The following PIP4K2A variants were observed in gnomAD, a reference collection of about 807,000 sequenced individuals.
The protein encoded by PIP4K2A is phosphatidylinositol 5-phosphate 4-kinase type-2 alpha.
PIP4K2A carries 14 observed loss-of-function variants against 42.9 expected under a neutral mutation model. That is an observed-to-expected ratio of 0.33 (90% CI 0.22 to 0.51). PIP4K2A has a LOEUF of 0.51. Among genes scored for constraint, PIP4K2A ranks in the 20% least tolerant of loss-of-function variants. PIP4K2A has a pLI of 0.97. For synonymous variants in PIP4K2A, 192 were observed against 192.2 expected (o/e 1.00, Z 0.01); for missense variants, 434 against 519.8 (o/e 0.83, Z 1.61).
At position 22,536,923 on chromosome 10, in the gene PIP4K2A, A is replaced by G; in HGVS notation, c.*278T>C. The G allele has an allele frequency of 2.8e-6, 1 of 353,664 alleles. No individual in the cohort carries two copies. The highest frequency in any genetic ancestry group is 5.8e-5 in the East Asian group (1 of 17,336). 21.9% of individuals were successfully genotyped at this position (353,664 alleles called of 1,614,324 possible). A position where few individuals can be genotyped will look rare whatever the true frequency, so the allele number is the denominator to read the frequency against. ...GAAGTGGATCTGTTTTAATTAATTT[A>G]TGACTTTTAAAATGCACACGCGCGC... On this transcript the variant is annotated 3_prime_UTR_variant, in exon 10 of 10. Coordinates refer to ENST00000376573, the MANE Select transcript of PIP4K2A (RefSeq NM_005028.5).
chr10:22,659,445 T>C (rs1485540597), intron 1 of PIP4K2A, among the ~76,000 whole-genome samples: 1 of 152,094 alleles, frequency 6.6e-6, no homozygotes, highest in Non-Finnish European at 1.5e-5. Flanking sequence ...ATACAAAAAT[T>C]AGCTGGGCAT....
chr10:22,624,391 T>G (rs1265315064), intron 1 of PIP4K2A, among the ~76,000 whole-genome samples: 1 of 152,238 alleles, frequency 6.6e-6, no homozygotes, highest in Non-Finnish European at 1.5e-5. Flanking sequence ...CAGTCAATAT[T>G]TGAAGACTCA....
intron 4 of PIP4K2A, among the ~76,000 whole-genome samples, chr10:22,574,637 C>G (rs1837069806): frequency 1.3e-5 from 2 of 152,098 alleles, no homozygotes; most frequent in Admixed American, 6.5e-5. Context: ...TTTTTGCCAT[C>G]TAGAGTTTTG....
intron 1 of PIP4K2A, among the ~76,000 whole-genome samples, chr10:22,686,148 GCTGAA>G: frequency 6.6e-6 from 1 of 152,254 alleles, no homozygotes; most frequent in East Asian, 1.9e-4. Flanking sequence ...TTGGAAACAT[GCTGAA>G]CCGGCACATT....
intron 4 of PIP4K2A, among the ~76,000 whole-genome samples, chr10:22,585,937 C>A (rs1837384345): frequency 6.6e-6 from 1 of 151,618 alleles, no homozygotes. Context: ...TACATGATAC[C>A]AAAGCTCCCA....
In PIP4K2A at chr10:22,613,713, T is replaced by G. The variant is rs115628737; in HGVS notation, c.145-3996A>C. ...GGCAGAGCTGAGCGTCATCCACAGT[T>G]TGTGATGGTTCACGTACAGGAACCA... On this transcript the variant is annotated intron_variant, in intron 1 of 9. Transcript: ENST00000376573. Among the ~76,000 whole-genome samples the G allele has an allele frequency of 5.2e-3, 799 of 152,270 alleles. 10 individuals are homozygous for G. The highest frequency in any genetic ancestry group is 0.018 in the African/African-American group (755 of 41,548).
At chr10:22,667,774 A>G (rs978679102) in intron 1 of PIP4K2A, among the ~76,000 whole-genome samples, 1 of 152,166 alleles carries the variant, frequency 6.6e-6, no homozygotes, top group Non-Finnish European at 1.5e-5. Flanking sequence ...AACAATTTTA[A>G]AAGTCCTCCA....
In PIP4K2A at chr10:22,535,992, G is replaced by C. The variant is rs758495715; in HGVS notation, c.*1209C>G. 11 of 396,682 alleles carry C rather than the reference G, an allele frequency of 2.8e-5. No homozygotes were observed. The highest frequency in any genetic ancestry group is 4.4e-5 in the Non-Finnish European group (10 of 225,176). The allele number at this position is 396,682 out of a possible 1,614,324, so 24.6% of individuals were successfully genotyped here. On this transcript the variant is annotated 3_prime_UTR_variant, in exon 10 of 10. Transcript: ENST00000376573. ...GGCTGCAGGATACGTCTCAAAATAT[G>C]ACAAACGTTATTTCACCTATACTGT...
At chr10:22,645,372 C>G (rs1188100009) in intron 1 of PIP4K2A, among the ~76,000 whole-genome samples, 1 of 151,816 alleles carries the variant, frequency 6.6e-6, no homozygotes, top group Non-Finnish European at 1.5e-5. Context: ...ATAGTGAGAC[C>G]CTGTCTCTAC....
chr10:22,690,602 C>A (rs1839848691), intron 1 of PIP4K2A, among the ~76,000 whole-genome samples: 1 of 152,008 alleles, frequency 6.6e-6, no homozygotes, highest in African/African-American at 2.4e-5. Flanking sequence ...TCAAAGAGCA[C>A]AAATACCAAA....
At chr10:22,685,641 A>G (rs1267136590) in intron 1 of PIP4K2A, among the ~76,000 whole-genome samples, 1 of 152,160 alleles carries the variant, frequency 6.6e-6, no homozygotes, top group Non-Finnish European at 1.5e-5. Flanking sequence ...GGATCCCTTG[A>G]GCCCAGGAGA....
Position 22,714,369 on chromosome 10 carries a change from G to A in PIP4K2A, c.-43C>T, listed in dbSNP as rs781040929. On this transcript the variant is annotated 5_prime_UTR_variant, in exon 1 of 10. Coordinates refer to ENST00000376573, the MANE Select transcript of PIP4K2A (RefSeq NM_005028.5). ...CCTCCACCGCCGTGCTCCCGAGGCCGGGGACCCGCCCTCTCTACACCCCGG... is the reference window on the plus strand; with the variant it reads ...CCTCCACCGCCGTGCTCCCGAGGCCAGGGACCCGCCCTCTCTACACCCCGG... The A allele has an allele frequency of 6.8e-7, 1 of 1,473,248 alleles. No homozygotes were observed. The highest frequency in any genetic ancestry group is 1.3e-5 in the South Asian group (1 of 78,486). 91.3% of individuals were successfully genotyped at this position (1,473,248 alleles called of 1,614,324 possible). A position where few individuals can be genotyped will look rare whatever the true frequency, so the allele number is the denominator to read the frequency against.
At chr10:22,673,967 C>A (rs1839505532) in intron 1 of PIP4K2A, among the ~76,000 whole-genome samples, 1 of 152,146 alleles carries the variant, frequency 6.6e-6, no homozygotes, top group Non-Finnish European at 1.5e-5. Flanking sequence ...ATATTACAGC[C>A]AAATAAAAAG....
chr10:22,542,121 G>T, intron 7 of PIP4K2A, 74 bp from the exon 8 acceptor site: 1 of 1,373,868 alleles, frequency 7.3e-7, no homozygotes, highest in Non-Finnish European at 1.0e-6. Flanking sequence ...AGACAAGCTC[G>T]GGTGACACCC....
chr10:22,632,444 T>C (rs1412465353), intron 1 of PIP4K2A, among the ~76,000 whole-genome samples: 1 of 152,204 alleles, frequency 6.6e-6, no homozygotes, highest in Non-Finnish European at 1.5e-5. Context: ...ATGTACAACA[T>C]TGTTTTTCTC....
chr10:22,609,479 A>G, intron 2 of PIP4K2A, 141 bp downstream of exon 2: 1 of 640,730 alleles, frequency 1.6e-6, no homozygotes, highest in East Asian at 2.8e-5. Flanking sequence ...AAAATGACAG[A>G]TGGTTATGTT....
chr10:22,625,551 T>G (rs1021240390), intron 1 of PIP4K2A, among the ~76,000 whole-genome samples: 7 of 152,168 alleles, frequency 4.6e-5, no homozygotes, highest in Non-Finnish European at 1.0e-4. Flanking sequence ...AATACACCTA[T>G]CTTTATGCAT....
chr10:22,705,392 T>C (rs1391335312), intron 1 of PIP4K2A, among the ~76,000 whole-genome samples: 1 of 138,294 alleles, frequency 7.2e-6, no homozygotes, highest in East Asian at 2.2e-4. Context: ...GGATCTTTTT[T>C]ACCCCCTTTA....
At chr10:22,614,105 A>T (rs2130721844) in intron 1 of PIP4K2A, among the ~76,000 whole-genome samples, 1 of 152,302 alleles carries the variant, frequency 6.6e-6, no homozygotes, top group Admixed American at 6.5e-5. Flanking sequence ...ATGGCCCTTG[A>T]GGGACGGAGA....
Sources: gnomAD v4.1 joint callset for allele counts (sites outside exome capture counted in the v4.1 genomes callset) on GRCh38, gnomAD v4.1.1 for gene constraint, MANE v1.5 for transcripts, NCBI Gene and HGNC (gene_info 2026-07-23, HGNC 2026-07-21) for gene names.